Variants in KLHL6 observed in about 807,000 individuals in gnomAD.
KLHL6 encodes kelch-like protein 6.
KLHL6 carries 41 observed loss-of-function variants against 58.6 expected under a neutral mutation model. That is an observed-to-expected ratio of 0.70 (90% confidence interval 0.55 to 0.91). The LOEUF (loss-of-function observed/expected upper bound fraction) is 0.91, where lower values mean the gene tolerates loss of function less well. Among genes scored for constraint, KLHL6 ranks in the 40% least tolerant of loss-of-function variants. KLHL6 has a pLI of 0.00. For synonymous variants in KLHL6, 338 were observed against 322.7 expected (o/e 1.05, Z -0.51); for missense variants, 714 against 805.6 (o/e 0.89, Z 1.38).
At chr3:183,518,912 G>A (rs914379261) in intron 2 of KLHL6, among the ~76,000 whole-genome samples, 1 of 152,164 alleles carries the variant, frequency 6.6e-6, no homozygotes, top group African/African-American at 2.4e-5. Context: ...ACAACAGAGT[G>A]AGAAGCAGGG....
chr3:183,542,052 T>G (rs1712571281), intron 1 of KLHL6, among the ~76,000 whole-genome samples: 2 of 152,224 alleles, frequency 1.3e-5, no homozygotes, highest in East Asian at 1.9e-4. Flanking sequence ...TCATGCTCTC[T>G]GTGGTCCGGC....
chr3:183,510,568 T>C (rs1337387498), intron 2 of KLHL6, among the ~76,000 whole-genome samples: 6 of 152,056 alleles, frequency 3.9e-5, no homozygotes, highest in Non-Finnish European at 7.4e-5. Context: ...TCACATAGGA[T>C]TGTCAGTTTA....
intron 2 of KLHL6, among the ~76,000 whole-genome samples, chr3:183,510,398 T>C (rs11715950): frequency 0.51 from 77,328 of 150,940 alleles, 20,446 homozygotes; most frequent in Non-Finnish European, 0.58. Flanking sequence ...CTGTGGGGAG[T>C]GGGGCTATCG....
At chr3:183,506,154 A>G (rs1007673394) in intron 3 of KLHL6, among the ~76,000 whole-genome samples, 1 of 152,216 alleles carries the variant, frequency 6.6e-6, no homozygotes, top group Non-Finnish European at 1.5e-5. Context: ...AGATATATGT[A>G]TGGGTGTTCA....
intron 3 of KLHL6, among the ~76,000 whole-genome samples, chr3:183,506,213 A>T (rs1047612986): frequency 6.6e-5 from 10 of 152,282 alleles, no homozygotes; most frequent in African/African-American, 2.4e-4. Flanking sequence ...CTTCCTCTCC[A>T]CTAAATTTGT....
At chr3:183,526,454 C>T (rs1311972132) in intron 2 of KLHL6, among the ~76,000 whole-genome samples, 2 of 152,200 alleles carry the variant, frequency 1.3e-5, no homozygotes, top group Non-Finnish European at 2.9e-5. Flanking sequence ...AACCCAGAGT[C>T]AACAGAAATC....
intron 1 of KLHL6, among the ~76,000 whole-genome samples, chr3:183,548,463 G>A (rs1712799616): frequency 6.6e-6 from 1 of 152,156 alleles, no homozygotes; most frequent in South Asian, 2.1e-4. Context: ...GCTGCTGCCT[G>A]GAATCCTTGT....
At chr3:183,548,391 T>C (rs938824706) in intron 1 of KLHL6, among the ~76,000 whole-genome samples, 4 of 152,160 alleles carry the variant, frequency 2.6e-5, no homozygotes, top group Non-Finnish European at 5.9e-5. Flanking sequence ...GACTGGCCCT[T>C]CCTTCATGCA....
intron 1 of KLHL6, among the ~76,000 whole-genome samples, chr3:183,534,394 A>G (rs1311146602): frequency 6.6e-6 from 1 of 151,432 alleles, no homozygotes; most frequent in Non-Finnish European, 1.5e-5. Context: ...TCTAGTCACC[A>G]CATTTTTTGT....
chr3:183,499,613 A>G lies in KLHL6; in HGVS notation c.1124T>C (p.Leu375Ser). 1 of 1,600,316 alleles carries G rather than the reference A, an allele frequency of 6.2e-7. No individual in the cohort carries two copies. Among genetic ancestry groups the G allele is most frequent in the Non-Finnish European group, 8.5e-7 (1 of 1,172,828 alleles). The change falls in exon 4 of 7, where the codon TTG becomes TCG. Residue 375 changes from leucine (L) to serine (S), a missense_variant. This residue lies in a region of KLHL6 where 510 missense variants were observed against 629.7 expected (regional missense o/e 0.81). Coordinates refer to ENST00000341319, the MANE Select transcript of KLHL6 (RefSeq NM_130446.4). This position sits in a 1 kb window ranked among gnomAD's most constrained non-coding sequence, Gnocchi z 4.6. Reference protein sequence around the residue: ...KKWVEFACVTLKNEVYISGGK... With the variant: ...KKWVEFACVTSKNEVYISGGK... ...ACCTGAGATGTAGACCTCATTTTTC[A>G]ATGTCACGCATGCAAACTCCACCCA... is the stretch of plus-strand genomic sequence containing the variant.
intron 1 of KLHL6, among the ~76,000 whole-genome samples, chr3:183,544,198 T>C (rs1230517799): frequency 2.1e-5 from 3 of 144,100 alleles, no homozygotes; most frequent in Non-Finnish European, 4.5e-5. Flanking sequence ...GCCATAGCAG[T>C]ATCAGCACTC....
In KLHL6 at chr3:183,487,823, G is replaced by A. The variant is rs1461027163; in HGVS notation, c.*4104C>T. On this transcript the variant is annotated 3_prime_UTR_variant, in exon 7 of 7. Coordinates refer to ENST00000341319, the MANE Select transcript of KLHL6 (RefSeq NM_130446.4). ...ATTATGAGATCTAATACAACACCCAGGTATTAAGGGAAAAAATGATTTTGC... is the reference window on the plus strand; with the variant it reads ...ATTATGAGATCTAATACAACACCCAAGTATTAAGGGAAAAAATGATTTTGC... 1.3e-5 allele frequency: 2 copies of A among 152,118 alleles called. No individual in the cohort carries two copies. The highest frequency in any genetic ancestry group is 2.4e-5 in the African/African-American group (1 of 41,420). The allele number at this position is 152,118 out of a possible 1,614,324, so 9.4% of individuals were successfully genotyped here. A position where few individuals can be genotyped will look rare whatever the true frequency, so the allele number is the denominator to read the frequency against.
In KLHL6 at chr3:183,555,585, G is replaced by A. The variant is rs905225942; in HGVS notation, c.69C>T (p.Pro23=). The A allele has an allele frequency of 6.2e-7, 1 of 1,613,858 alleles. No individual in the cohort carries two copies. Among genetic ancestry groups the A allele is most frequent in the Non-Finnish European group, 8.5e-7 (1 of 1,179,982 alleles). ...AGGGCTCATCTGTAGAAGGTGCCAG[G>A]GGCCCTTCCAAACTCTTCTCGACCA... ...GDVVEKSLEG[P]LAPSTDEPSQ... is the part of the protein sequence containing the mutation. The change falls in exon 1 of 7, where the codon CCC becomes CCT. Residue 23 remains proline (P), a synonymous_variant. Transcript: ENST00000341319.
intron 2 of KLHL6, chr3:183,521,089 G>C (rs1001392810): frequency 3.3e-5 from 5 of 152,258 alleles, no homozygotes; most frequent in Non-Finnish European, 7.3e-5. Context: ...CTCGAGACTG[G>C]AGAATGGCGA....
intron 5 of KLHL6, 191 bp downstream of exon 5, chr3:183,493,888 T>G (rs1560090071): frequency 1.6e-6 from 1 of 621,908 alleles, no homozygotes; most frequent in Non-Finnish European, 2.9e-6. Flanking sequence ...AGGACATTGT[T>G]TCTGTGACTT....
chr3:183,513,917 G>A (rs998616384), intron 2 of KLHL6, among the ~76,000 whole-genome samples: 6 of 151,918 alleles, frequency 3.9e-5, no homozygotes, highest in Admixed American at 2.0e-4. Flanking sequence ...TCCCCTCCCC[G>A]TGTCCATGTG....
intron 1 of KLHL6, among the ~76,000 whole-genome samples, chr3:183,533,482 G>A (rs575147999): frequency 2.0e-5 from 3 of 151,270 alleles, no homozygotes; most frequent in South Asian, 2.1e-4. Context: ...TGTTGCCCAG[G>A]CTGGTGGTGA....
intron 3 of KLHL6, among the ~76,000 whole-genome samples, chr3:183,505,371 T>A (rs1442653231): frequency 6.6e-6 from 1 of 152,214 alleles, no homozygotes; most frequent in Non-Finnish European, 1.5e-5. Context: ...CGTGCTTAAA[T>A]ACATGGGATG....
intron 2 of KLHL6, among the ~76,000 whole-genome samples, chr3:183,525,265 A>ACCACACACACACAC (rs1553811014): frequency 1.9e-5 from 1 of 52,600 alleles, no homozygotes; most frequent in African/African-American, 5.5e-5. Context: ...CTCTCTAAAA[A>ACCACACACACACAC]AAAAACACAC....
Sources: gnomAD v4.1 joint callset for allele counts (sites outside exome capture counted in the v4.1 genomes callset) on GRCh38, gnomAD v4.1.1 for gene constraint, gnomAD v4.1.1 regional missense constraint, Gnocchi (gnomAD v3.1) non-coding constraint, MANE v1.5 for transcripts, NCBI Gene and HGNC (gene_info 2026-07-23, HGNC 2026-07-21) for gene names.